GALNT14: variants seen among roughly 807,000 people sequenced by gnomAD.
GALNT14 encodes the protein UDP-GalNAc:polypeptide N-acetylgalactosaminyltransferase 14.
In GALNT14, 60 loss-of-function variants were observed where a neutral mutation model predicts 77.5. The ratio of observed to expected loss-of-function variants is 0.77; its 90% CI spans 0.63 to 0.96. The LOEUF (loss-of-function observed/expected upper bound fraction) is 0.96. GALNT14 is among the 40% of genes least tolerant of loss of function. The pLI, the probability that GALNT14 is intolerant of heterozygous loss-of-function variation, is 0.00. For synonymous variants in GALNT14, 280 were observed against 281.7 expected (o/e 0.99, Z 0.06); for missense variants, 710 against 731.0 (o/e 0.97, Z 0.33).
At chr2:31,135,457 A>T (rs948290172) in intron 1 of GALNT14, among the ~76,000 whole-genome samples, 1 of 152,130 alleles carries the variant, frequency 6.6e-6, no homozygotes, top group Non-Finnish European at 1.5e-5. Context: ...TCAGGTACAT[A>T]CACACTAAGA....
chr2:30,965,946 T>G lies in GALNT14; in HGVS notation c.398+258A>C, dbSNP rs564994091. ...GGAGGCCGAGGGCTCTGAGGCTGCT[T>G]CTTCTACTTATTCTCTTTGACCTTC... On this transcript the variant is annotated intron_variant, in intron 3 of 14. Coordinates refer to ENST00000349752, the MANE Select transcript of GALNT14 (RefSeq NM_024572.4). Among the ~76,000 whole-genome samples the G allele has an allele frequency of 7.2e-4, 110 of 152,282 alleles. 1 individual carries two copies. The highest frequency in any genetic ancestry group is 2.4e-3 in the Admixed American group (37 of 15,308).
chr2:30,905,406 T>C, the GALNT14 span, among the ~76,000 whole-genome samples: 38 of 151,544 alleles, frequency 2.5e-4, no homozygotes, highest in Non-Finnish European at 5.0e-4. Context: ...GAGAACTACG[T>C]GAAGAATGCA....
chr2:30,934,939 G>A (rs1325759467), intron 9 of GALNT14, among the ~76,000 whole-genome samples: 3 of 152,140 alleles, frequency 2.0e-5, no homozygotes, highest in Middle Eastern at 3.2e-3. Context: ...CATCTCCTAT[G>A]CCCTCAGCAT....
At chr2:30,961,370 T>A (rs1041132929) in intron 3 of GALNT14, among the ~76,000 whole-genome samples, 3 of 152,178 alleles carry the variant, frequency 2.0e-5, no homozygotes, top group Non-Finnish European at 2.9e-5. Context: ...AGTTTAGTCA[T>A]TCTGGAGTGA....
chr2:30,942,137 T>A (rs1666410104), intron 9 of GALNT14, 64 bp downstream of exon 9: 4 of 1,193,098 alleles, frequency 3.4e-6, no homozygotes, highest in Non-Finnish European at 4.9e-6. Context: ...ACCACAGAGG[T>A]CCCCGCCCCA....
chr2:30,897,238 G>A, the GALNT14 span, among the ~76,000 whole-genome samples: 2 of 152,086 alleles, frequency 1.3e-5, no homozygotes, highest in Non-Finnish European at 1.5e-5. Context: ...CTCCTAGGAC[G>A]CAGCTGGGCC....
chr2:30,980,682 T>G lies in GALNT14; in HGVS notation c.299+12156A>C, dbSNP rs115318519. Among the ~76,000 whole-genome samples, 1,133 of 152,354 alleles carry G rather than the reference T, an allele frequency of 7.4e-3. 10 individuals carry two copies. The highest frequency in any genetic ancestry group is 0.026 in the African/African-American group (1,088 of 41,584). Reference sequence around the variant, plus strand: ...CACTCAGTCAACCAGTTACGTTGCCTGGGTCTCAGCTTCCTTCTCTGTGAA... The same window carrying G: ...CACTCAGTCAACCAGTTACGTTGCCGGGGTCTCAGCTTCCTTCTCTGTGAA... On this transcript the variant is annotated intron_variant, in intron 2 of 14. Coordinates refer to ENST00000349752, the MANE Select transcript of GALNT14 (RefSeq NM_024572.4).
chr2:31,025,625 A>T (rs576320372), intron 1 of GALNT14, among the ~76,000 whole-genome samples: 43 of 152,330 alleles, frequency 2.8e-4, no homozygotes, highest in Middle Eastern at 6.8e-3. Context: ...AAGAGCTCTA[A>T]GCTGGGTGAG....
At chr2:31,081,216 A>C (rs1398112525) in intron 1 of GALNT14, among the ~76,000 whole-genome samples, 3 of 152,234 alleles carry the variant, frequency 2.0e-5, no homozygotes, top group Non-Finnish European at 4.4e-5. Context: ...AAAGATAAGG[A>C]TAAGGCCTCG....
chr2:31,110,480 C>T (rs1302751588), intron 1 of GALNT14, among the ~76,000 whole-genome samples: 2 of 152,188 alleles, frequency 1.3e-5, no homozygotes, highest in African/African-American at 4.8e-5. Flanking sequence ...CCAAGAAATA[C>T]CAAGCATGGT....
rs556307012 is a variant in GALNT14 at position 30,935,203 on chromosome 2, G to A, written c.932-3009C>T. On this transcript the variant is annotated intron_variant, in intron 9 of 14. Transcript: ENST00000349752. ...CAACTCTGATAGGACAACTGAGAGCGAGAAGCTGGTGGCATTCAAAAGCAG... is the reference window on the plus strand; with the variant it reads ...CAACTCTGATAGGACAACTGAGAGCAAGAAGCTGGTGGCATTCAAAAGCAG... 5.9e-5 allele frequency among the ~76,000 whole-genome samples: 9 copies of A among 152,214 alleles called. No homozygotes were observed. The South Asian group carries it at 1.9e-3, about 32-fold the overall frequency.
chr2:31,090,670 C>T (rs1266193517), intron 1 of GALNT14, among the ~76,000 whole-genome samples: 3 of 151,530 alleles, frequency 2.0e-5, no homozygotes, highest in Admixed American at 1.3e-4. Flanking sequence ...TTAGTAGAGA[C>T]GGGGTTTCGC....
intron 1 of GALNT14, among the ~76,000 whole-genome samples, chr2:31,068,409 C>G (rs113548491): frequency 4.1e-4 from 62 of 151,434 alleles, no homozygotes; most frequent in African/African-American, 1.5e-3. Context: ...ATAGCTTGAA[C>G]CCAGCAGGCG....
At position 30,932,169 on chromosome 2, in the gene GALNT14, G is replaced by T. The variant is rs369811254; in HGVS notation, c.957C>A (p.Cys319Ter). The change falls in exon 10 of 15, where the codon TGC (cysteine) becomes TGA (stop). Residue 319 changes from cysteine to a stop codon, truncating the protein, a stop_gained. Coordinates refer to ENST00000349752, the MANE Select transcript of GALNT14 (RefSeq NM_024572.4). LOFTEE classifies it high-confidence loss of function. ...AGGGGACGATCTCTAGGCTGCCCCC[G>T]CACATCCACACTCGGAAGGAGATTT... ...NFEISFRVWM[C>*]GGSLEIVPCS... 3 of 1,537,092 alleles carry T rather than the reference G, an allele frequency of 2.0e-6. No homozygotes were observed. The highest frequency in any genetic ancestry group is 2.6e-6 in the Non-Finnish European group (3 of 1,141,308).
At chr2:30,887,173 A>T in the GALNT14 span, among the ~76,000 whole-genome samples, 28 of 152,276 alleles carry the variant, frequency 1.8e-4, no homozygotes, top group East Asian at 5.2e-3. Context: ...GTGAATAGTG[A>T]GTCTATGAAA....
chr2:30,919,079 A>T (rs1328607023), intron 13 of GALNT14, among the ~76,000 whole-genome samples: 3 of 152,124 alleles, frequency 2.0e-5, no homozygotes, highest in Non-Finnish European at 4.4e-5. Context: ...ACGAGCTAAA[A>T]ATATATCTTA....
intron 1 of GALNT14, among the ~76,000 whole-genome samples, chr2:31,112,913 A>C (rs756281433): frequency 6.6e-6 from 1 of 152,206 alleles, no homozygotes; most frequent in African/African-American, 2.4e-5. Flanking sequence ...CCAGTAAGGA[A>C]GTAATTCCAG....
intron 1 of GALNT14, among the ~76,000 whole-genome samples, chr2:31,117,810 G>A (rs1678186051): frequency 6.6e-6 from 1 of 152,150 alleles, no homozygotes; most frequent in African/African-American, 2.4e-5. Context: ...AGTAGTCTTG[G>A]GTAGGTGTTC....
intron 9 of GALNT14, among the ~76,000 whole-genome samples, chr2:30,939,503 G>A (rs1345422889): frequency 6.6e-6 from 1 of 152,136 alleles, no homozygotes; most frequent in Non-Finnish European, 1.5e-5. Flanking sequence ...GCCATGGGAG[G>A]GAGGGATCCA....
Sources: gnomAD v4.1 joint callset for allele counts (sites outside exome capture counted in the v4.1 genomes callset) on GRCh38, gnomAD v4.1.1 for gene constraint, MANE v1.5 for transcripts, NCBI Gene and HGNC (gene_info 2026-07-23, HGNC 2026-07-21) for gene names.